Variants in BIRC6 observed in about 807,000 individuals in gnomAD.
The protein encoded by BIRC6 is dual E2 ubiquitin-conjugating enzyme/E3 ubiquitin-protein ligase BIRC6.
A neutral mutation model predicts 503.3 loss-of-function variants in BIRC6; 98 were observed. The ratio of observed to expected loss-of-function variants is 0.19; its 90% confidence interval spans 0.17 to 0.23. The LOEUF is 0.23. Among genes scored for constraint, BIRC6 ranks in the 10% least tolerant of loss-of-function variants. The probability of loss-of-function intolerance (pLI) is 1.00; values close to 1 mark genes in which losing one functional copy is unlikely to be tolerated. For missense variants in BIRC6, 5,360 were observed against 5,806.0 expected, an observed-to-expected ratio of 0.92 and a Z score of 2.50; for synonymous variants, 2,240 against 2,078.7, an observed-to-expected ratio of 1.08 and a Z score of -2.11.
Position 32,501,763 on chromosome 2 carries a change from G to T in BIRC6, c.9082G>T (p.Asp3028Tyr), listed in dbSNP as rs2053224239. 1 of 1,613,432 alleles carries T rather than the reference G, an allele frequency of 6.2e-7. No homozygotes were observed. Among genetic ancestry groups the T allele is most frequent in the Admixed American group, 1.7e-5 (1 of 59,872 alleles). ...TKHENFHGGL[D>Y]AISVGDGLFT... ...ACATGAAAACTTTCATGGTGGGTTG[G>T]ATGCCATATCAGTTGGGGATGGATT... The change falls in exon 47 of 74, where the codon GAT becomes TAT. Residue 3028 changes from aspartate (D) to tyrosine (Y), a missense_variant. Asp to Tyr is a radical substitution (Grantham distance 160). Coordinates refer to ENST00000421745, the MANE Select transcript of BIRC6 (RefSeq NM_016252.4).
chr2:32,523,945 G>A (rs887137834), intron 57 of BIRC6, among the ~76,000 whole-genome samples: 1 of 151,900 alleles, frequency 6.6e-6, no homozygotes, highest in Non-Finnish European at 1.5e-5. Flanking sequence ...TTGTGAGGCT[G>A]AGGTGAGATG....
intron 62 of BIRC6, 127 bp from the exon 63 acceptor site, chr2:32,545,516 G>T: frequency 1.3e-6 from 1 of 775,786 alleles, no homozygotes; most frequent in Non-Finnish European, 2.1e-6. Flanking sequence ...GTGGTATTTG[G>T]TTTTCTAAAT....
chr2:32,484,451 C>CT (rs2050762536), intron 39 of BIRC6, among the ~76,000 whole-genome samples: 1 of 150,634 alleles, frequency 6.6e-6, no homozygotes, highest in Non-Finnish European at 1.5e-5. Context: ...GGAACTGAGG[C>CT]TGAGGTAGGA....
chr2:32,393,207 A>AT (rs1443005398), intron 5 of BIRC6, among the ~76,000 whole-genome samples: 6 of 152,198 alleles, frequency 3.9e-5, no homozygotes, highest in Middle Eastern at 3.4e-3. Flanking sequence ...TAAAGAACTG[A>AT]TTAAGTTGCA....
chr2:32,565,248 G>A (rs2059456425), intron 65 of BIRC6: 1 of 152,168 alleles, frequency 6.6e-6, no homozygotes, highest in Admixed American at 6.5e-5. Flanking sequence ...GTTCTTGAAA[G>A]TAGAAACCAT....
chr2:32,459,820 ATGT>A (rs949888985), intron 23 of BIRC6, among the ~76,000 whole-genome samples: 5 of 150,970 alleles, frequency 3.3e-5, no homozygotes, highest in African/African-American at 1.2e-4. Flanking sequence ...TTTAATTGTT[ATGT>A]TGTTATAAGC....
At chr2:32,481,198 A>T in intron 37 of BIRC6, 122 bp from the exon 38 acceptor site, 1 of 770,792 alleles carries the variant, frequency 1.3e-6, no homozygotes, top group South Asian at 3.0e-5. Flanking sequence ...GCATACATAG[A>T]GTTTTTTTTT....
chr2:32,611,398 T>C lies in BIRC6; in HGVS notation c.14260-50T>C, dbSNP rs374290314. The C allele has an allele frequency of 7.3e-4, 1,091 of 1,504,588 alleles. 2 individuals are homozygous for C. The highest frequency in any genetic ancestry group is 9.3e-4 in the Non-Finnish European group (1,038 of 1,114,802). The allele number at this position is 1,504,588 out of a possible 1,614,324, so 93.2% of individuals were successfully genotyped here. A position where few individuals can be genotyped will look rare whatever the true frequency, so the allele number is the denominator to read the frequency against. ...TTTGTAATGTCATTTACTGTGTCTT[T>C]TAAATTTGACTGTAAACACTGCTTG... On this transcript the variant is annotated intron_variant, in intron 72 of 73. Transcript: ENST00000421745.
chr2:32,423,085 G>A (rs993851415), intron 10 of BIRC6, among the ~76,000 whole-genome samples: 19 of 152,012 alleles, frequency 1.2e-4, no homozygotes, highest in Admixed American at 2.6e-4. Flanking sequence ...GATTACAGGC[G>A]TCTGGCTAAT....
chr2:32,594,702 AGATGGATG>A (rs60252004), intron 67 of BIRC6, among the ~76,000 whole-genome samples: 3 of 148,960 alleles, frequency 2.0e-5, no homozygotes, highest in African/African-American at 5.1e-5. Context: ...GTTTCCAGAT[AGATGGATG>A]GATGGATGGA....
chr2:32,605,535 A>G (rs1217037245), intron 71 of BIRC6, among the ~76,000 whole-genome samples: 1 of 152,210 alleles, frequency 6.6e-6, no homozygotes, highest in Admixed American at 6.5e-5. Flanking sequence ...ACTAATAACT[A>G]TGCCTTTGAA....
At position 32,618,526 on chromosome 2, in the gene BIRC6, T is replaced by C. The variant is rs528760062; in HGVS notation, c.*622T>C. On this transcript the variant is annotated 3_prime_UTR_variant, in exon 74 of 74. Transcript: ENST00000421745. ...GGATGAATTTATTACATTCAACATA[T>C]TTAATTTTATGCCTTCTAATTCTAA... 1.3e-5 allele frequency: 2 copies of C among 152,752 alleles called. No homozygotes were observed. Among genetic ancestry groups the C allele is most frequent in the African/African-American group, 2.4e-5 (1 of 41,592 alleles). The allele number at this position is 152,752 out of a possible 1,614,324, so 9.5% of individuals were successfully genotyped here. A position where few individuals can be genotyped will look rare whatever the true frequency, so the allele number is the denominator to read the frequency against.
Position 32,468,768 on chromosome 2 carries a change from C to A in BIRC6, c.6112C>A (p.Leu2038Ile). The A allele has an allele frequency of 6.3e-7, 1 of 1,597,600 alleles. No homozygotes were observed. Among genetic ancestry groups the A allele is most frequent in the Non-Finnish European group, 8.6e-7 (1 of 1,168,280 alleles). Residue 2038 changes from leucine to isoleucine, a missense_variant, in exon 29 of 74, where the codon CTT (leucine) becomes ATT (isoleucine). This residue lies in a region of BIRC6 where 2,299 missense variants were observed against 2,267.2 expected (regional missense o/e 1.01). Transcript: ENST00000421745. ...TTTACTGGACACTTTGCTCAGCCTG[C>A]TTCATGCTTCTAATGGTTTGTATTT... ...RYLLDTLLSL[L>I]HASNGHSVPA...
At chr2:32,369,926 T>TAAAAAAAAAAAAA (rs756693528) in intron 1 of BIRC6, among the ~76,000 whole-genome samples, 2 of 37,792 alleles carry the variant, frequency 5.3e-5, no homozygotes, top group African/African-American at 2.5e-4. Flanking sequence ...CCCTGTCTCT[T>TAAAAAAAAAAAAA]AAAAAAAAAA....
intron 26 of BIRC6, 21 bp downstream of exon 26, chr2:32,465,185 ATT>A (rs374940577): frequency 0.028 from 22,624 of 819,446 alleles, no homozygotes; most frequent in Middle Eastern, 0.033. Flanking sequence ...ACTTTCTTAA[ATT>A]TTTTTTTTTT....
intron 65 of BIRC6, chr2:32,564,407 C>T (rs2150775624): frequency 6.6e-6 from 1 of 152,172 alleles, no homozygotes; most frequent in Non-Finnish European, 1.5e-5. Context: ...TTGGCAGTTG[C>T]AAAAATGTTG....
intron 66 of BIRC6, among the ~76,000 whole-genome samples, chr2:32,576,626 A>C (rs182544077): frequency 1.6e-4 from 25 of 152,256 alleles, no homozygotes; most frequent in African/African-American, 6.0e-4. Flanking sequence ...AATAGTGTAG[A>C]TCAAAAGATC....
At chr2:32,464,961 C>A in intron 25 of BIRC6, 104 bp from the exon 26 acceptor site, 1 of 1,319,752 alleles carries the variant, frequency 7.6e-7, no homozygotes, top group Non-Finnish European at 1.0e-6. Context: ...ACAGTACATA[C>A]ATTAAGAGAA....
At position 32,436,184 on chromosome 2, in the gene BIRC6, G is replaced by T; in HGVS notation, c.3631G>T (p.Gly1211Cys). 7.0e-7 allele frequency: 1 copy of T among 1,428,088 alleles called. No individual in the cohort carries two copies. Among genetic ancestry groups the T allele is most frequent in the Non-Finnish European group, 9.3e-7 (1 of 1,072,150 alleles). The allele number at this position is 1,428,088 out of a possible 1,614,324, so 88.5% of individuals were successfully genotyped here. A position where few individuals can be genotyped will look rare whatever the true frequency, so the allele number is the denominator to read the frequency against. ...LTLTSPKLVK[G>C]MAGGKYRSFL... ...GTTAACAAGCCCCAAACTTGTTAAA[G>T]GTGAAGTAATACATTTTACAAAAGC... Residue 1211 changes from glycine (G) to cysteine (C), a missense_variant and splice_region_variant, in exon 15 of 74, where the codon GGT becomes TGT. Physicochemically the swap from Gly to Cys is radical, Grantham distance 159 (BLOSUM62 -3). This residue lies in a region of BIRC6 where 2,299 missense variants were observed against 2,267.2 expected (regional missense o/e 1.01). Transcript: ENST00000421745.
Sources: gnomAD v4.1 joint callset for allele counts (sites outside exome capture counted in the v4.1 genomes callset) on GRCh38, gnomAD v4.1.1 for gene constraint, gnomAD v4.1.1 regional missense constraint, MANE v1.5 for transcripts, NCBI Gene and HGNC (gene_info 2026-07-23, HGNC 2026-07-21) for gene names.